Variants in TENM1 observed in about 807,000 individuals in gnomAD.
TENM1 encodes the protein teneurin transmembrane protein 1.
TENM1 carries 35 observed loss-of-function variants against 174.8 expected under a neutral mutation model. That is an observed-to-expected ratio of 0.20 (90% confidence interval 0.15 to 0.27). The LOEUF is 0.27. Among genes scored for constraint, TENM1 ranks in the 10% least tolerant of loss-of-function variants. TENM1 has a pLI of 1.00. For synonymous variants in TENM1, 781 were observed against 798.7 expected (o/e 0.98, Z 0.37); for missense variants, 1,633 against 2,130.1 (o/e 0.77, Z 4.59).
intron 1 of TENM1, among the ~76,000 whole-genome samples, chrX:124,959,471 T>A (rs1250270584): frequency 9.0e-6 from 1 of 111,329 alleles, no homozygotes; most frequent in Admixed American, 9.6e-5. Flanking sequence ...CAGGTTTTTG[T>A]CCTTGGCCTT....
At chrX:125,151,511 A>G in the TENM1 span, among the ~76,000 whole-genome samples, 11 of 112,621 alleles carry the variant, frequency 9.8e-5, no homozygotes, top group East Asian at 3.1e-3. Context: ...CATGGAAAAT[A>G]GGTGAGACTA....
intron 3 of TENM1, among the ~76,000 whole-genome samples, chrX:124,806,351 T>C (rs1206055610): frequency 1.8e-5 from 2 of 111,972 alleles, no homozygotes; most frequent in Non-Finnish European, 3.8e-5. Context: ...ATTTGATTCA[T>C]TGGATTTTAA....
At chrX:124,760,511 CA>C (rs2054382112) in intron 3 of TENM1, among the ~76,000 whole-genome samples, 1 of 111,164 alleles carries the variant, frequency 9.0e-6, no homozygotes, top group African/African-American at 3.3e-5. Flanking sequence ...TGCCAGTTTT[CA>C]AAGGGAATTA....
At chrX:124,958,655 T>C (rs1276998246) in intron 1 of TENM1, among the ~76,000 whole-genome samples, 1 of 111,420 alleles carries the variant, frequency 9.0e-6, no homozygotes, top group Non-Finnish European at 1.9e-5. Context: ...AGCCATCGAC[T>C]TGATTTCTGA....
chrX:125,044,327 C>T, the TENM1 span, among the ~76,000 whole-genome samples: 1 of 110,046 alleles, frequency 9.1e-6, no homozygotes, highest in African/African-American at 3.3e-5. Flanking sequence ...GTGGCTTACA[C>T]CTATAATCCC....
rs1195535932 is a variant in TENM1, at chrX:124,406,272, G to C, written c.5155+45C>G. ...GTACGCAGGTTTCAAGGTGGATGTT[G>C]ACATAGGGGCTGTTACAGTCAGATA... On this transcript the variant is annotated intron_variant, in intron 26 of 31. Coordinates refer to ENST00000422452, the Ensembl canonical transcript of TENM1. 3.8e-6 allele frequency: 4 copies of C among 1,063,150 alleles called. No homozygotes were observed. In the African/African-American group the frequency reaches 5.6e-5, roughly 15 times the overall value. The allele number at this position is 1,063,150 out of a possible 1,213,427, so 87.6% of individuals were successfully genotyped here.
chrX:124,554,114 C>A (rs545932520), intron 14 of TENM1, among the ~76,000 whole-genome samples: 2 of 110,685 alleles, frequency 1.8e-5, no homozygotes, highest in Admixed American at 9.6e-5. Context: ...ATCCTCCCCC[C>A]CAAAAAATGA....
chrX:125,012,480 T>C, the TENM1 span, among the ~76,000 whole-genome samples: 1 of 112,505 alleles, frequency 8.9e-6, no homozygotes, highest in African/African-American at 3.2e-5. Context: ...GACATTCAAG[T>C]TAAATATATT....
chrX:124,676,915 G>C (rs1273209507), intron 5 of TENM1, among the ~76,000 whole-genome samples: 1 of 108,809 alleles, frequency 9.2e-6, no homozygotes, highest in Non-Finnish European at 1.9e-5. Flanking sequence ...GTAAATGTGG[G>C]AAATACATGC....
chrX:124,383,860 G>A (rs1238565421), exon 30 of TENM1: 2 of 1,209,419 alleles, frequency 1.7e-6, no homozygotes, highest in African/African-American at 3.5e-5. Context: ...GAAAGTCAGG[G>A]TAAGTGTCAT....
At chrX:124,378,697 T>A (rs1321740108) in exon 32 of TENM1, 2 of 112,242 alleles carry the variant, frequency 1.8e-5, no homozygotes, top group African/African-American at 6.5e-5. Flanking sequence ...AATGAAATGT[T>A]TGAATACACC....
At chrX:124,923,913 A>G (rs2058056900) in intron 1 of TENM1, among the ~76,000 whole-genome samples, 1 of 111,818 alleles carries the variant, frequency 8.9e-6, no homozygotes, top group African/African-American at 3.2e-5. Flanking sequence ...GCCTGGTGAG[A>G]CTCATTTCAT....
intron 3 of TENM1, among the ~76,000 whole-genome samples, chrX:124,757,885 T>A (rs2054306072): frequency 8.9e-6 from 1 of 112,327 alleles, no homozygotes; most frequent in African/African-American, 3.2e-5. Context: ...TTGAAAGAAC[T>A]GAAAATGTAA....
the TENM1 span, among the ~76,000 whole-genome samples, chrX:125,109,290 T>C: frequency 8.9e-6 from 1 of 112,303 alleles, no homozygotes; most frequent in Non-Finnish European, 1.9e-5. Context: ...TGTGATTACA[T>C]AATCAAGGAG....
At chrX:124,655,288 T>C (rs1370899219) in intron 6 of TENM1, among the ~76,000 whole-genome samples, 23 of 111,983 alleles carry the variant, frequency 2.1e-4, no homozygotes, top group Non-Finnish European at 3.8e-5. Flanking sequence ...CAGAGCTTTA[T>C]TATTTATTGT....
chrX:124,861,098 A>G (rs181317371), intron 3 of TENM1, among the ~76,000 whole-genome samples: 2 of 112,327 alleles, frequency 1.8e-5, no homozygotes, highest in Admixed American at 1.9e-4. Flanking sequence ...AGTTATACAA[A>G]TGAGCAAACA....
chrX:124,931,871 G>GCACA (rs34069865), intron 1 of TENM1, among the ~76,000 whole-genome samples: 97 of 102,069 alleles, frequency 9.5e-4, no homozygotes, highest in African/African-American at 1.5e-3. Flanking sequence ...CCAAGCGCAC[G>GCACA]CACACACACA....
the TENM1 span, among the ~76,000 whole-genome samples, chrX:124,995,265 A>C: frequency 9.0e-6 from 1 of 110,986 alleles, no homozygotes; most frequent in Non-Finnish European, 1.9e-5. Context: ...AGGTATAATA[A>C]TACAGTTTAT....
At chrX:124,744,585 T>C (rs953823244) in intron 3 of TENM1, among the ~76,000 whole-genome samples, 1 of 111,994 alleles carries the variant, frequency 8.9e-6, no homozygotes, top group Non-Finnish European at 1.9e-5. Flanking sequence ...CTTCTGTTAT[T>C]ACCCAGTGAA....
Sources: allele counts gnomAD v4.1 joint callset (sites outside exome capture counted in the v4.1 genomes callset), GRCh38; gene constraint gnomAD v4.1.1; transcripts MANE v1.5; gene names NCBI Gene and HGNC (gene_info 2026-07-23, HGNC 2026-07-21).